ASCC3: variants seen among roughly 807,000 people sequenced by gnomAD.
The protein encoded by ASCC3 is activating signal cointegrator 1 complex subunit 3, also known as ASC-1 complex subunit P200.
ASCC3 carries 158 observed loss-of-function variants against 256.3 expected under a neutral mutation model. The observed-to-expected ratio is 0.62, with a 90% CI of 0.54 to 0.70. The LOEUF (loss-of-function observed/expected upper bound fraction) is 0.70, where lower values mean the gene tolerates loss of function less well. Among genes scored for constraint, ASCC3 ranks in the 30% least tolerant of loss-of-function variants. The pLI is 0.00. For missense variants in ASCC3, 2,259 were observed against 2,626.0 expected (o/e 0.86, Z 3.05); for synonymous variants, 948 against 883.4 (o/e 1.07, Z -1.30).
At chr6:100,628,228 A>C (rs775147220) in intron 27 of ASCC3, among the ~76,000 whole-genome samples, 2 of 152,172 alleles carry the variant, frequency 1.3e-5, no homozygotes, top group African/African-American at 4.8e-5. Flanking sequence ...CGTGGTTACC[A>C]GAGTCTAGGG....
At chr6:100,679,537 G>T in intron 14 of ASCC3, 81 bp downstream of exon 14, 1 of 1,586,070 alleles carries the variant, frequency 6.3e-7, no homozygotes, top group Non-Finnish European at 8.6e-7. Flanking sequence ...TGGAAATTGA[G>T]ACCGTGGATC....
intron 30 of ASCC3, among the ~76,000 whole-genome samples, chr6:100,615,609 C>T (rs546513268): frequency 9.8e-4 from 149 of 152,272 alleles, no homozygotes; most frequent in South Asian, 1.5e-3. Flanking sequence ...TATATAAATA[C>T]ATCACTTAAT....
intron 8 of ASCC3, among the ~76,000 whole-genome samples, chr6:100,770,823 G>A (rs1781884020): frequency 6.8e-6 from 1 of 146,428 alleles, no homozygotes. Context: ...CTAAATGAAA[G>A]ATAAAATTCT....
intron 8 of ASCC3, among the ~76,000 whole-genome samples, chr6:100,774,157 G>A (rs1165218015): frequency 6.6e-6 from 1 of 152,054 alleles, no homozygotes; most frequent in Non-Finnish European, 1.5e-5. Context: ...CTAGTTTCTG[G>A]GTTTTGCTGA....
At chr6:100,784,400 C>T (rs951158572) in intron 8 of ASCC3, among the ~76,000 whole-genome samples, 2 of 151,726 alleles carry the variant, frequency 1.3e-5, no homozygotes, top group Non-Finnish European at 2.9e-5. Flanking sequence ...AGTATCCAAG[C>T]GAAATAACTG....
At chr6:100,531,064 T>G in intron 37 of ASCC3, 1 of 1,471,044 alleles carries the variant, frequency 6.8e-7, no homozygotes, top group Non-Finnish European at 9.5e-7. Flanking sequence ...ACTAAAGGAA[T>G]CTTCTAGAAC....
intron 14 of ASCC3, among the ~76,000 whole-genome samples, chr6:100,670,410 A>G (rs529765734): frequency 6.6e-6 from 1 of 151,982 alleles, no homozygotes; most frequent in South Asian, 2.1e-4. Context: ...TTTGCATATA[A>G]TTTACACTGT....
intron 13 of ASCC3, among the ~76,000 whole-genome samples, chr6:100,687,032 T>TCACACACACACACACACA (rs1305315395): frequency 6.8e-5 from 9 of 132,184 alleles, no homozygotes; most frequent in Admixed American, 3.2e-4. Context: ...TCTCTCTCTC[T>TCACACACACACACACACA]CTCACACACA....
chr6:100,653,611 C>T (rs1775776925), intron 17 of ASCC3, among the ~76,000 whole-genome samples: 1 of 150,726 alleles, frequency 6.6e-6, no homozygotes, highest in South Asian at 2.1e-4. Flanking sequence ...GCACTCCAAC[C>T]TGGGCGACAG....
intron 10 of ASCC3, among the ~76,000 whole-genome samples, chr6:100,758,059 A>T (rs906016159): frequency 1.3e-5 from 2 of 152,068 alleles, no homozygotes; most frequent in Non-Finnish European, 2.9e-5. Flanking sequence ...CTACCATCCC[A>T]CCCAGGAGAT....
At chr6:100,781,579 A>C (rs1782454406) in intron 8 of ASCC3, among the ~76,000 whole-genome samples, 1 of 145,690 alleles carries the variant, frequency 6.9e-6, no homozygotes, top group African/African-American at 2.5e-5. Flanking sequence ...TAGTAGAGAC[A>C]CGGTTTCACC....
At chr6:100,601,705 A>G in intron 34 of ASCC3, 105 bp downstream of exon 34, 1 of 1,374,296 alleles carries the variant, frequency 7.3e-7, no homozygotes, top group South Asian at 1.3e-5. Flanking sequence ...TAGAATCTCC[A>G]AAGTTCTGCC....
intron 10 of ASCC3, among the ~76,000 whole-genome samples, chr6:100,741,204 T>C (rs1190818646): frequency 6.6e-6 from 1 of 152,208 alleles, no homozygotes; most frequent in Non-Finnish European, 1.5e-5. Context: ...TGTTGCATAC[T>C]GGTGCACAAT....
intron 30 of ASCC3, among the ~76,000 whole-genome samples, chr6:100,619,917 A>G (rs1225838358): frequency 6.6e-6 from 1 of 152,146 alleles, no homozygotes; most frequent in Non-Finnish European, 1.5e-5. Flanking sequence ...AATGGAGTTG[A>G]CGAAATTTTT....
Position 100,647,362 on chromosome 6 carries a change from TTTAC to T in ASCC3, c.3338_3341del (p.Ser1113LysfsTer14), listed in dbSNP as rs1262035743. The T allele has an allele frequency of 1.2e-5, 19 of 1,614,028 alleles. No individual in the cohort carries two copies. Among genetic ancestry groups the T allele is most frequent in the Non-Finnish European group, 1.5e-5 (18 of 1,179,938 alleles). On this transcript the variant is annotated frameshift_variant, in exon 21 of 42. Coordinates refer to ENST00000369162, the MANE Select transcript of ASCC3 (RefSeq NM_006828.4). LOFTEE classifies it high-confidence loss of function. Reference sequence around the variant, plus strand: ...AACCCCAAAGCCTCTTGTCAATGACTTTACTAAGATTCAGGAGCCTGTAGGTCAT... The same window carrying T: ...AACCCCAAAGCCTCTTGTCAATGACTTAAGATTCAGGAGCCTGTAGGTCAT...
intron 34 of ASCC3, among the ~76,000 whole-genome samples, chr6:100,594,682 G>T (rs1772190284): frequency 1.3e-5 from 2 of 152,006 alleles, no homozygotes; most frequent in African/African-American, 2.4e-5. Context: ...CCAGTTCTGG[G>T]TATATACCCA....
intron 4 of ASCC3, among the ~76,000 whole-genome samples, chr6:100,809,036 C>T (rs931530081): frequency 1.3e-5 from 2 of 151,892 alleles, no homozygotes; most frequent in South Asian, 2.1e-4. Flanking sequence ...TTACTATGAA[C>T]GGAGCCTGCA....
chr6:100,554,797 G>A (rs1769485469), intron 36 of ASCC3, among the ~76,000 whole-genome samples: 1 of 151,684 alleles, frequency 6.6e-6, no homozygotes, highest in Admixed American at 6.6e-5. Flanking sequence ...ACCACACTAG[G>A]TCCAGATATA....
At chr6:100,759,976 T>C (rs1358585184) in intron 10 of ASCC3, among the ~76,000 whole-genome samples, 1 of 152,174 alleles carries the variant, frequency 6.6e-6, no homozygotes, top group Non-Finnish European at 1.5e-5. Flanking sequence ...TGTAAAGGAA[T>C]GCTTGTGATC....
Sources: gnomAD v4.1 joint callset for allele counts (sites outside exome capture counted in the v4.1 genomes callset) on GRCh38, gnomAD v4.1.1 for gene constraint, MANE v1.5 for transcripts, NCBI Gene and HGNC (gene_info 2026-07-23, HGNC 2026-07-21) for gene names.